NBAS: variants seen among roughly 807,000 people sequenced by gnomAD.
NBAS encodes the protein NAG/BC035112 fusion.
Under a neutral mutation model 302.5 loss-of-function variants are expected in NBAS, and 219 were observed. The observed-to-expected ratio is 0.72, with a 90% CI of 0.65 to 0.81. NBAS has a LOEUF of 0.81. Ranked by LOEUF, NBAS falls within the 30% of genes least tolerant of loss-of-function variation. The pLI is 0.00. For synonymous variants in NBAS, 1,118 were observed against 1,021.6 expected, an observed-to-expected ratio of 1.09 and a Z score of -1.80; for missense variants, 2,932 against 2,841.6, an observed-to-expected ratio of 1.03 and a Z score of -0.72.
chr2:14,968,829 A>G, the NBAS span, among the ~76,000 whole-genome samples: 1 of 152,206 alleles, frequency 6.6e-6, no homozygotes, highest in Non-Finnish European at 1.5e-5. Flanking sequence ...TAATTCCAGC[A>G]ATTTCACTGC....
At chr2:15,475,189 A>G (rs1305564990) in intron 14 of NBAS, among the ~76,000 whole-genome samples, 1 of 152,222 alleles carries the variant, frequency 6.6e-6, no homozygotes, top group Non-Finnish European at 1.5e-5. Flanking sequence ...GTCAATCTGC[A>G]TTGCTGAAGT....
rs62120516 is a variant in NBAS at position 15,415,527 on chromosome 2, G to A, written c.2937+19C>T. The stretch of plus-strand genomic sequence containing the variant: ...GGGGAAAAAGTGCCCAGAATTTTAA[G>A]AAGTTAGTTTCTACTTACATCTGGT... On this transcript the variant is annotated intron_variant, in intron 25 of 51. Transcript: ENST00000281513. 41,001 of 1,611,536 alleles carry A rather than the reference G, an allele frequency of 0.025. 693 individuals are homozygous for A. Among genetic ancestry groups the A allele is most frequent in the Non-Finnish European group, 0.031 (36,910 of 1,177,706 alleles).
At chr2:15,213,553 A>G (rs945849163) in intron 48 of NBAS, among the ~76,000 whole-genome samples, 1 of 152,204 alleles carries the variant, frequency 6.6e-6, no homozygotes, top group Non-Finnish European at 1.5e-5. Context: ...ATTTCCCTGG[A>G]AAATAGGAAG....
intron 32 of NBAS, among the ~76,000 whole-genome samples, chr2:15,360,960 C>T (rs970472529): frequency 4.6e-5 from 7 of 152,154 alleles, no homozygotes; most frequent in African/African-American, 1.2e-4. Context: ...AAGCCAGTAA[C>T]ATAGTCATTT....
chr2:15,415,796 T>C, intron 24 of NBAS, 77 bp from the exon 25 acceptor site: 1 of 1,507,096 alleles, frequency 6.6e-7, no homozygotes, highest in South Asian at 1.1e-5. Flanking sequence ...GACAGCGAGT[T>C]CTAAAGCTTA....
At chr2:15,065,858 C>T in the NBAS span, among the ~76,000 whole-genome samples, 1 of 152,056 alleles carries the variant, frequency 6.6e-6, no homozygotes, top group South Asian at 2.1e-4. Flanking sequence ...CATCAAAATC[C>T]CAATGACATT....
the NBAS span, among the ~76,000 whole-genome samples, chr2:15,155,072 G>C: frequency 1.6e-3 from 239 of 152,302 alleles, no homozygotes; most frequent in African/African-American, 5.5e-3. Context: ...TGAATGCTAA[G>C]CTAGGTAGGA....
At chr2:15,348,622 A>T (rs1405807465) in intron 35 of NBAS, among the ~76,000 whole-genome samples, 1 of 151,020 alleles carries the variant, frequency 6.6e-6, no homozygotes, top group Non-Finnish European at 1.5e-5. Flanking sequence ...AAAATGATAC[A>T]CTCCTCACAC....
At chr2:15,209,493 T>A (rs1422879349) in intron 48 of NBAS, among the ~76,000 whole-genome samples, 1 of 151,800 alleles carries the variant, frequency 6.6e-6, no homozygotes, top group African/African-American at 2.4e-5. Flanking sequence ...ATTAAAAAAA[T>A]AAAACTACAG....
intron 51 of NBAS, among the ~76,000 whole-genome samples, chr2:15,168,435 G>A (rs1016713001): frequency 9.2e-5 from 14 of 152,274 alleles, no homozygotes; most frequent in East Asian, 5.8e-4. Context: ...ATCGGATAGC[G>A]TGAATCTTTC....
chr2:14,855,308 G>A, the NBAS span, among the ~76,000 whole-genome samples: 8 of 152,234 alleles, frequency 5.3e-5, no homozygotes, highest in East Asian at 1.5e-3. Context: ...TCTGAGACTT[G>A]CTGGCTTCAG....
the NBAS span, among the ~76,000 whole-genome samples, chr2:14,997,853 G>T: frequency 1.3e-5 from 2 of 152,170 alleles, no homozygotes; most frequent in Non-Finnish European, 2.9e-5. Flanking sequence ...CAAGAGATGA[G>T]TCAGACATTG....
intron 47 of NBAS, among the ~76,000 whole-genome samples, chr2:15,229,347 C>CAAAAAAAAAAAAAAAAAA (rs61152926): frequency 2.6e-5 from 2 of 76,870 alleles, no homozygotes; most frequent in African/African-American, 4.4e-5. Context: ...TCTCAAAAAA[C>CAAAAAAAAAAAAAAAAAA]AAAAAAAAAA....
the NBAS span, among the ~76,000 whole-genome samples, chr2:15,038,187 A>T: frequency 7.0e-6 from 1 of 142,014 alleles, no homozygotes; most frequent in African/African-American, 2.7e-5. Flanking sequence ...ATCTCAGCTC[A>T]CCGCAAATCC....
In NBAS at chr2:15,219,036, A is replaced by G. The variant is rs1418579728; in HGVS notation, c.6237-68T>C. On this transcript the variant is annotated intron_variant, in intron 47 of 51. Transcript: ENST00000281513. ...TTTATTTTCCCCCTTCCGGTAATCA[A>G]ATGTGGTCACTGACCTAACACTTGT... is the stretch of plus-strand genomic sequence containing the variant. 5 of 1,567,824 alleles carry G rather than the reference A, an allele frequency of 3.2e-6. No individual in the cohort carries two copies. The African/African-American group carries it at 4.1e-5, about 13-fold the overall frequency.
chr2:15,289,952 G>C (rs72776652), intron 41 of NBAS, among the ~76,000 whole-genome samples: 1 of 151,786 alleles, frequency 6.6e-6, no homozygotes, highest in Non-Finnish European at 1.5e-5. Flanking sequence ...AGCTGAGATC[G>C]TGCCACAGCC....
chr2:15,409,649 T>C (rs565004400), intron 25 of NBAS, among the ~76,000 whole-genome samples: 1 of 152,346 alleles, frequency 6.6e-6, no homozygotes, highest in South Asian at 2.1e-4. Context: ...TCACAATTTC[T>C]CCTTCCTATC....
chr2:15,221,500 T>C (rs1028366547), intron 47 of NBAS, among the ~76,000 whole-genome samples: 1 of 152,176 alleles, frequency 6.6e-6, no homozygotes, highest in African/African-American at 2.4e-5. Flanking sequence ...AAAAAAATTA[T>C]ATGGTCCGTG....
intron 25 of NBAS, among the ~76,000 whole-genome samples, chr2:15,402,721 A>T (rs1676214018): frequency 6.6e-6 from 1 of 152,068 alleles, no homozygotes. Context: ...TTCAGTAGGC[A>T]TTATATATTA....
Sources: gnomAD v4.1 joint callset for allele counts (sites outside exome capture counted in the v4.1 genomes callset) on GRCh38, gnomAD v4.1.1 for gene constraint, MANE v1.5 for transcripts, NCBI Gene and HGNC (gene_info 2026-07-23, HGNC 2026-07-21) for gene names.